Variants in FMN2 observed in about 807,000 individuals in gnomAD.
The protein encoded by FMN2 is formin-2.
FMN2 carries 51 observed loss-of-function variants against 142.3 expected under a neutral mutation model. The ratio of observed to expected loss-of-function variants is 0.36; its 90% CI spans 0.29 to 0.45. The LOEUF (loss-of-function observed/expected upper bound fraction) is 0.45, where lower values mean the gene tolerates loss of function less well. Among genes scored for constraint, FMN2 ranks in the 20% least tolerant of loss-of-function variants. The pLI, the probability that FMN2 is intolerant of heterozygous loss-of-function variation, is 1.00. For synonymous variants in FMN2, 882 were observed against 869.8 expected, an observed-to-expected ratio of 1.01 and a Z score of -0.25; for missense variants, 1,936 against 2,122.8, an observed-to-expected ratio of 0.91 and a Z score of 1.73.
At chr1:240,142,904 C>T (rs1276319110) in intron 2 of FMN2, 4 of 1,606,238 alleles carry the variant, frequency 2.5e-6, no homozygotes, top group South Asian at 2.2e-5. Flanking sequence ...CAAACGTAAC[C>T]AGCATTCGGG....
At chr1:240,355,481 T>A (rs1286106937) in intron 13 of FMN2, among the ~76,000 whole-genome samples, 2 of 152,168 alleles carry the variant, frequency 1.3e-5, no homozygotes, top group Non-Finnish European at 2.9e-5. Context: ...ATCTGATCCT[T>A]ATAACTGCAC....
intron 8 of FMN2, among the ~76,000 whole-genome samples, chr1:240,316,178 A>G (rs4332348): frequency 0.37 from 55,517 of 151,946 alleles, 10,558 homozygotes; most frequent in Admixed American, 0.52. Context: ...AATAATTAAA[A>G]CCTATTGTTC....
intron 16 of FMN2, among the ~76,000 whole-genome samples, chr1:240,469,025 G>A (rs1676725958): frequency 6.6e-6 from 1 of 152,138 alleles, no homozygotes; most frequent in African/African-American, 2.4e-5. Flanking sequence ...AACATTTGCT[G>A]GGAAGCTTAG....
intron 13 of FMN2, among the ~76,000 whole-genome samples, chr1:240,348,517 C>T (rs1671991933): frequency 1.5e-5 from 2 of 132,698 alleles, no homozygotes; most frequent in African/African-American, 5.9e-5. Context: ...GCCACCGCGC[C>T]CAGCCTATTT....
At chr1:240,283,596 A>G (rs1323467788) in intron 7 of FMN2, among the ~76,000 whole-genome samples, 1 of 152,188 alleles carries the variant, frequency 6.6e-6, no homozygotes, top group East Asian at 1.9e-4. Context: ...ACACTCTGGC[A>G]TGATACAATA....
At chr1:240,474,085 G>T (rs1676895982) in intron 17 of FMN2, 43 bp from the exon 18 acceptor site, 2 of 1,521,836 alleles carry the variant, frequency 1.3e-6, no homozygotes, top group East Asian at 4.8e-5. Context: ...ATTTTTAAAA[G>T]TTCTTTCTAA....
chr1:240,183,624 C>G (rs572314755), intron 3 of FMN2, among the ~76,000 whole-genome samples: 2 of 151,912 alleles, frequency 1.3e-5, no homozygotes, highest in South Asian at 4.2e-4. Flanking sequence ...CCTGCGCTAA[C>G]TAGAGCCTAG....
chr1:240,192,000 C>T (rs1033737988), intron 4 of FMN2, among the ~76,000 whole-genome samples: 2 of 152,186 alleles, frequency 1.3e-5, no homozygotes, highest in African/African-American at 4.8e-5. Flanking sequence ...TAGACGATAT[C>T]AGCACTGTCT....
intron 1 of FMN2, among the ~76,000 whole-genome samples, chr1:240,113,748 A>G (rs1462639861): frequency 6.6e-6 from 1 of 152,142 alleles, no homozygotes; most frequent in Non-Finnish European, 1.5e-5. Context: ...CTGGTTGGTC[A>G]AATTACATTC....
chr1:240,425,847 G>C lies in FMN2; in HGVS notation c.4911-12214G>C, dbSNP rs190601654. Reference sequence around the variant, plus strand: ...TTTTTCAAGAAAGTCATCAACCAGAGCTTACACTTTTCTTTGTCTTCACTC... The same window carrying C: ...TTTTTCAAGAAAGTCATCAACCAGACCTTACACTTTTCTTTGTCTTCACTC... On this transcript the variant is annotated intron_variant, in intron 15 of 17. Transcript: ENST00000319653. 2.4e-3 allele frequency among the ~76,000 whole-genome samples: 365 copies of C among 152,276 alleles called. 1 individual carries two copies. Among genetic ancestry groups the C allele is most frequent in the African/African-American group, 8.5e-3 (354 of 41,560 alleles).
intron 15 of FMN2, among the ~76,000 whole-genome samples, chr1:240,426,395 A>G (rs908457084): frequency 3.9e-5 from 6 of 152,230 alleles, no homozygotes; most frequent in South Asian, 4.1e-4. Flanking sequence ...CTTTAAAGCA[A>G]TATTCTACCC....
In FMN2 at chr1:240,272,984, C is replaced by T. The variant is rs117517118; in HGVS notation, c.4153+14952C>T. 7.4e-4 allele frequency among the ~76,000 whole-genome samples: 112 copies of T among 152,152 alleles called. No individual in the cohort carries two copies. In the East Asian group the frequency reaches 0.019, roughly 26 times the overall value. ...GGAAAAAGCACAGTTTCCAAATCTCCGTAAGAACTTTGTCACTTCTCCGAT... is the reference window on the plus strand; with the variant it reads ...GGAAAAAGCACAGTTTCCAAATCTCTGTAAGAACTTTGTCACTTCTCCGAT... On this transcript the variant is annotated intron_variant, in intron 7 of 17. Transcript: ENST00000319653.
chr1:240,103,593 T>C (rs1473793732), intron 1 of FMN2, among the ~76,000 whole-genome samples: 2 of 152,164 alleles, frequency 1.3e-5, no homozygotes, highest in African/African-American at 4.8e-5. Flanking sequence ...ATCTTTCCAT[T>C]TTCTCTTTTC....
chr1:240,395,234 G>A (rs1673735598), intron 15 of FMN2, among the ~76,000 whole-genome samples: 1 of 152,158 alleles, frequency 6.6e-6, no homozygotes, highest in Admixed American at 6.6e-5. Flanking sequence ...AGGAAAAAAA[G>A]AAAAGATTGC....
intron 6 of FMN2, among the ~76,000 whole-genome samples, chr1:240,219,949 A>G (rs1010625556): frequency 2.6e-5 from 4 of 152,172 alleles, no homozygotes; most frequent in African/African-American, 9.7e-5. Context: ...GTGAGCCACC[A>G]TGCCCAGACA....
At chr1:240,145,337 G>T in intron 2 of FMN2, 1 of 936,992 alleles carries the variant, frequency 1.1e-6, no homozygotes, top group Non-Finnish European at 1.6e-6. Context: ...GGGCTGCTGG[G>T]ACTGCACCAG....
chr1:240,152,843 G>T (rs1663844892), intron 2 of FMN2, among the ~76,000 whole-genome samples: 1 of 152,152 alleles, frequency 6.6e-6, no homozygotes, highest in Non-Finnish European at 1.5e-5. Context: ...CCCTTACTCA[G>T]AGCCATCAGT....
chr1:240,214,335 A>G (rs1223736136), intron 6 of FMN2, among the ~76,000 whole-genome samples: 1 of 151,596 alleles, frequency 6.6e-6, no homozygotes, highest in East Asian at 2.0e-4. Context: ...GCGGATCACG[A>G]GGTCAGGAGA....
At chr1:240,425,151 G>T (rs1254771032) in intron 15 of FMN2, among the ~76,000 whole-genome samples, 2 of 148,602 alleles carry the variant, frequency 1.3e-5, no homozygotes, top group African/African-American at 4.9e-5. Flanking sequence ...CAAGTGTTCA[G>T]CTTTTACTTT....
Sources: gnomAD v4.1 joint callset for allele counts (sites outside exome capture counted in the v4.1 genomes callset) on GRCh38, gnomAD v4.1.1 for gene constraint, MANE v1.5 for transcripts, NCBI Gene and HGNC (gene_info 2026-07-23, HGNC 2026-07-21) for gene names.